TMA16: variants seen among roughly 807,000 people sequenced by gnomAD.
TMA16 encodes the protein translation machinery-associated protein 16.
TMA16 carries 26 observed loss-of-function variants against 27.1 expected under a neutral mutation model. That is an observed-to-expected ratio of 0.96 (90% confidence interval 0.70 to 1.33). The LOEUF is 1.33. Ranked by LOEUF, TMA16 falls within the 40% of genes most tolerant of loss-of-function variation. The pLI is 0.00. For missense variants in TMA16, 233 were observed against 241.4 expected, an observed-to-expected ratio of 0.97 and a Z score of 0.23; for synonymous variants, 71 against 81.9, an observed-to-expected ratio of 0.87 and a Z score of 0.72.
At chr4:163,505,893 A>T (rs1737712471) in intron 1 of TMA16, among the ~76,000 whole-genome samples, 1 of 152,204 alleles carries the variant, frequency 6.6e-6, no homozygotes, top group South Asian at 2.1e-4. Context: ...AATTGACAAT[A>T]ATTTTGAAGA....
rs1737933836 is a variant in TMA16, at chr4:163,519,352, G to A, written c.450G>A (p.Leu150=). ...LKTFREWDFD[L]KKLPNIKMRK... ...TGTCTAGGGAATGGGACTTTGATCT[G>A]AAGAAATTACCAAACATTAAAATGA... The change falls in exon 7 of 7, where the codon CTG becomes CTA. Residue 150 remains leucine (L), a synonymous_variant. Coordinates refer to ENST00000358572, the MANE Select transcript of TMA16 (RefSeq NM_018352.3). 6.3e-7 allele frequency: 1 copy of A among 1,582,758 alleles called. No homozygotes were observed. Among genetic ancestry groups the A allele is most frequent in the Non-Finnish European group, 8.6e-7 (1 of 1,167,592 alleles).
chr4:163,504,857 T>C (rs1187728543), intron 1 of TMA16, among the ~76,000 whole-genome samples: 1 of 152,142 alleles, frequency 6.6e-6, no homozygotes, highest in African/African-American at 2.4e-5. Flanking sequence ...TTGGTAGGAT[T>C]CAGCTCCTCG....
intron 5 of TMA16, 84 bp downstream of exon 5, chr4:163,515,545 C>A (rs1737864371): frequency 1.2e-5 from 16 of 1,367,138 alleles, no homozygotes; most frequent in Admixed American, 2.6e-5. Context: ...TATTTTAGAT[C>A]TTGTTTATTT....
In TMA16 at chr4:163,494,776, T is replaced by G. The variant is rs1278163232; in HGVS notation, c.-26T>G. 6.2e-7 allele frequency: 1 copy of G among 1,613,056 alleles called. No individual in the cohort carries two copies. The highest frequency in any genetic ancestry group is 2.2e-5 in the East Asian group (1 of 44,866). ...ATTACCTGGGTCTAGAGTGCGGAGC[T>G]GCTCCGTGGCCACGAGGACGTCACC... On this transcript the variant is annotated 5_prime_UTR_variant, in exon 1 of 7. Coordinates refer to ENST00000358572, the MANE Select transcript of TMA16 (RefSeq NM_018352.3).
Position 163,514,100 on chromosome 4 carries a change from C to A in TMA16, c.181C>A (p.His61Asn). The change falls in exon 4 of 7, where the codon CAT becomes AAT. Residue 61 changes from histidine to asparagine, a missense_variant. Physicochemically the swap from His to Asn is moderately conservative, Grantham distance 68. Transcript: ENST00000358572. ...TGAAAAACTGCAATGGTTTCAAAAT[C>A]ATCTTGATCCCCAAAAAAAGAGATA... ...VGEKLQWFQN[H>N]LDPQKKRYSK... 1 of 1,609,592 alleles carries A rather than the reference C, an allele frequency of 6.2e-7. No homozygotes were observed. The highest frequency in any genetic ancestry group is 8.5e-7 in the Non-Finnish European group (1 of 1,178,126).
chr4:163,507,209 C>T, intron 2 of TMA16, 64 bp downstream of exon 2: 1 of 1,336,012 alleles, frequency 7.5e-7, no homozygotes. Flanking sequence ...TTTTATCTTT[C>T]AAACATATAT....
At position 163,500,533 on chromosome 4, in the gene TMA16, G is replaced by C. The variant is rs189331550; in HGVS notation, c.3+5729G>C. On this transcript the variant is annotated intron_variant, in intron 1 of 6. Coordinates refer to ENST00000358572, the MANE Select transcript of TMA16 (RefSeq NM_018352.3). ...GCCCCATTATTTATTACTTGATAAGGGTTTTTGAAAGCTGTATGTCTGTTG... is the reference window on the plus strand; with the variant it reads ...GCCCCATTATTTATTACTTGATAAGCGTTTTTGAAAGCTGTATGTCTGTTG... Among the ~76,000 whole-genome samples, 152 of 152,090 alleles carry C rather than the reference G, an allele frequency of 1.0e-3. 1 individual carries two copies. The highest frequency in any genetic ancestry group is 3.5e-3 in the African/African-American group (145 of 41,508).
intron 1 of TMA16, among the ~76,000 whole-genome samples, chr4:163,498,522 C>G (rs1219366914): frequency 8.5e-5 from 13 of 152,112 alleles, no homozygotes; most frequent in Admixed American, 6.5e-4. Context: ...CTCCTGACCT[C>G]ATGATCTGCC....
At chr4:163,511,559 C>G (rs1429038678) in intron 2 of TMA16, among the ~76,000 whole-genome samples, 14 of 151,594 alleles carry the variant, frequency 9.2e-5, no homozygotes, top group Admixed American at 9.2e-4. Context: ...CCTTGTAATC[C>G]CAGTGCTTTG....
chr4:163,519,435 C>T lies in TMA16; in HGVS notation c.533C>T (p.Thr178Ile), dbSNP rs765903792. 14 of 1,605,810 alleles carry T rather than the reference C, an allele frequency of 8.7e-6. No individual in the cohort carries two copies. The African/African-American group carries it at 1.3e-4, about 15-fold the overall frequency. ...PKTCKRKTII[T>I]VDQDLGELEL... ...ACGTGCAAGAGGAAAACTATTATAA[C>T]TGTAGACCAAGATTTGGGGGAATTG... The change falls in exon 7 of 7, where the codon ACT (threonine) becomes ATT (isoleucine). Residue 178 changes from threonine to isoleucine, a missense_variant. Thr to Ile is a moderately conservative substitution (Grantham distance 89). Transcript: ENST00000358572.
At position 163,517,652 on chromosome 4, in the gene TMA16, C is replaced by T. The variant is rs1200284904; in HGVS notation, c.431+176C>T. On this transcript the variant is annotated intron_variant, in intron 6 of 6. Transcript: ENST00000358572. ...GAAGTTGGGCGTACAAACAGTTGATCTGCACCAACAGGATGGTAACCTGGT... is the reference window on the plus strand; with the variant it reads ...GAAGTTGGGCGTACAAACAGTTGATTTGCACCAACAGGATGGTAACCTGGT... 2.5e-5 allele frequency: 14 copies of T among 550,920 alleles called. No individual in the cohort carries two copies. In the Admixed American group the frequency reaches 5.2e-4, roughly 21 times the overall value. 34.1% of individuals were successfully genotyped at this position (550,920 alleles called of 1,614,324 possible). A position where few individuals can be genotyped will look rare whatever the true frequency, so the allele number is the denominator to read the frequency against.
intron 1 of TMA16, among the ~76,000 whole-genome samples, chr4:163,497,007 A>G (rs1416045773): frequency 6.6e-6 from 1 of 152,140 alleles, no homozygotes; most frequent in Non-Finnish European, 1.5e-5. Flanking sequence ...ACCCATGGGT[A>G]TACTCCTTTT....
At chr4:163,505,777 T>G (rs1737710887) in intron 1 of TMA16, among the ~76,000 whole-genome samples, 1 of 152,148 alleles carries the variant, frequency 6.6e-6, no homozygotes, top group Admixed American at 6.5e-5. Flanking sequence ...CTTTACTATA[T>G]TAGTGTTTTA....
chr4:163,495,584 T>C (rs1365000433), intron 1 of TMA16, among the ~76,000 whole-genome samples: 15 of 152,216 alleles, frequency 9.9e-5, no homozygotes, highest in Admixed American at 9.8e-4. Context: ...ACGTAATCGT[T>C]GTGTTCTTGA....
Position 163,499,553 on chromosome 4 carries a change from G to GTTGAGGAC in TMA16, c.3+4750_3+4757dup, listed in dbSNP as rs1217215703. On this transcript the variant is annotated intron_variant, in intron 1 of 6. Coordinates refer to ENST00000358572, the MANE Select transcript of TMA16 (RefSeq NM_018352.3). ...TGTCCCTTGGTATCGAGGGATATTA[G>GTTGAGGAC]TTGAGGACACACTCGAATACCTAAA... Among the ~76,000 whole-genome samples, 12 of 152,176 alleles carry GTTGAGGAC rather than the reference G, an allele frequency of 7.9e-5. No homozygotes were observed. The East Asian group carries it at 1.7e-3, about 22-fold the overall frequency.
intron 1 of TMA16, among the ~76,000 whole-genome samples, chr4:163,505,813 G>A (rs188697143): frequency 8.5e-5 from 13 of 152,266 alleles, no homozygotes; most frequent in African/African-American, 2.6e-4. Flanking sequence ...TAGCTTTGCC[G>A]AAGAAAGGAC....
At chr4:163,505,909 G>A (rs185676978) in intron 1 of TMA16, among the ~76,000 whole-genome samples, 2 of 152,310 alleles carry the variant, frequency 1.3e-5, no homozygotes, top group Non-Finnish European at 1.5e-5. Flanking sequence ...GAAGAAGAGT[G>A]TAAAGCCACT....
intron 1 of TMA16, among the ~76,000 whole-genome samples, chr4:163,506,607 C>T (rs1219520691): frequency 6.6e-6 from 1 of 152,124 alleles, no homozygotes; most frequent in African/African-American, 2.4e-5. Flanking sequence ...TGATTCATTG[C>T]CCGCTTTGTT....
chr4:163,520,509 A>G lies in TMA16; in HGVS notation c.*995A>G, dbSNP rs546703418. ...ATTATAACTTTTTTTACTTCTGAAA[A>G]TTAAAAATAAAATTTATTTCTGCAA... On this transcript the variant is annotated 3_prime_UTR_variant, in exon 7 of 7. Transcript: ENST00000358572. The G allele has an allele frequency of 6.6e-6, 1 of 152,202 alleles. No homozygotes were observed. The highest frequency in any genetic ancestry group is 6.5e-5 in the Admixed American group (1 of 15,268). The allele number at this position is 152,202 out of a possible 1,614,324, so 9.4% of individuals were successfully genotyped here. A position where few individuals can be genotyped will look rare whatever the true frequency, so the allele number is the denominator to read the frequency against.
Sources: gnomAD v4.1 joint callset for allele counts (sites outside exome capture counted in the v4.1 genomes callset) on GRCh38, gnomAD v4.1.1 for gene constraint, MANE v1.5 for transcripts, NCBI Gene and HGNC (gene_info 2026-07-23, HGNC 2026-07-21) for gene names.